PKHD1: variants seen among roughly 807,000 people sequenced by gnomAD.
PKHD1 encodes PKHD1 ciliary IPT domain containing fibrocystin/polyductin.
A neutral mutation model predicts 412.0 loss-of-function variants in PKHD1; 291 were observed. That is an observed-to-expected ratio of 0.71 (90% CI 0.64 to 0.78). The LOEUF (loss-of-function observed/expected upper bound fraction) is 0.78, where lower values mean the gene tolerates loss of function less well. Ranked by LOEUF, PKHD1 falls within the 30% of genes least tolerant of loss-of-function variation. The pLI is 0.00. For synonymous variants in PKHD1, 1,777 were observed against 1,821.5 expected (o/e 0.98, Z 0.62); for missense variants, 4,825 against 4,950.7 (o/e 0.97, Z 0.76).
At chr6:51,852,530 G>C (rs1017375847) in intron 49 of PKHD1, among the ~76,000 whole-genome samples, 2 of 152,134 alleles carry the variant, frequency 1.3e-5, no homozygotes, top group African/African-American at 4.8e-5. Flanking sequence ...TATTGTGTGG[G>C]AGTCTAAGTC....
intron 32 of PKHD1, 82 bp downstream of exon 32, chr6:52,024,492 T>A: frequency 7.5e-7 from 1 of 1,328,632 alleles, no homozygotes; most frequent in Non-Finnish European, 1.1e-6. Context: ...CAGATTGTGT[T>A]AATTTTCTAC....
intron 49 of PKHD1, among the ~76,000 whole-genome samples, chr6:51,848,552 G>A (rs188224320): frequency 6.6e-4 from 101 of 152,280 alleles, no homozygotes; most frequent in Admixed American, 6.3e-3. Flanking sequence ...GCAGAAGAGT[G>A]CAGTGTCAGG....
chr6:51,687,896 G>A (rs960950713), intron 60 of PKHD1, among the ~76,000 whole-genome samples: 6 of 148,274 alleles, frequency 4.0e-5, no homozygotes, highest in African/African-American at 1.2e-4. Context: ...TTCAAACGAT[G>A]TGGATTAATA....
intron 52 of PKHD1, among the ~76,000 whole-genome samples, chr6:51,796,442 C>CA (rs957598547): frequency 8.3e-5 from 8 of 96,452 alleles, no homozygotes; most frequent in Non-Finnish European, 1.1e-4. Flanking sequence ...GTTTTTTTTT[C>CA]AAAAAAATCC....
rs372935902 is a variant in PKHD1 at position 51,666,993 on chromosome 6, C to T, written c.10157-7024G>A. 1.5e-3 allele frequency among the ~76,000 whole-genome samples: 217 copies of T among 149,358 alleles called. 5 individuals carry two copies. The East Asian group carries it at 0.031, about 22-fold the overall frequency. On this transcript the variant is annotated intron_variant, in intron 60 of 66. Coordinates refer to ENST00000371117, the MANE Select transcript of PKHD1 (RefSeq NM_138694.4). Reference sequence around the variant, plus strand: ...AAGTCTTTGCTATTGTGAATAATGCCGCAATAAACATACGTGTGCATGTGT... The same window carrying T: ...AAGTCTTTGCTATTGTGAATAATGCTGCAATAAACATACGTGTGCATGTGT...
chr6:51,808,282 T>C (rs1265425762), intron 52 of PKHD1, among the ~76,000 whole-genome samples: 2 of 152,098 alleles, frequency 1.3e-5, no homozygotes, highest in African/African-American at 4.8e-5. Context: ...ACAGAATATC[T>C]TTCGAAAGAT....
At chr6:51,679,354 T>A (rs1167831291) in intron 60 of PKHD1, among the ~76,000 whole-genome samples, 1 of 152,064 alleles carries the variant, frequency 6.6e-6, no homozygotes, top group South Asian at 2.1e-4. Context: ...GGAAACAGCT[T>A]GTTTTGTTAC....
chr6:51,622,099 T>C (rs1766696685), intron 66 of PKHD1, among the ~76,000 whole-genome samples: 1 of 152,208 alleles, frequency 6.6e-6, no homozygotes, highest in Non-Finnish European at 1.5e-5. Flanking sequence ...GGGGAACCTA[T>C]ATCTCTTCTC....
chr6:51,786,808 A>C (rs1243580667), intron 53 of PKHD1, among the ~76,000 whole-genome samples: 1 of 152,194 alleles, frequency 6.6e-6, no homozygotes, highest in Non-Finnish European at 1.5e-5. Context: ...GGTACTTGGC[A>C]CATGGCAGAC....
At chr6:51,728,197 A>T (rs1782813457) in intron 60 of PKHD1, among the ~76,000 whole-genome samples, 1 of 152,196 alleles carries the variant, frequency 6.6e-6, no homozygotes, top group South Asian at 2.1e-4. Context: ...TTGCTTAAAG[A>T]TGGAACCCAC....
intron 35 of PKHD1, among the ~76,000 whole-genome samples, chr6:51,968,037 T>C (rs1793097387): frequency 6.6e-6 from 1 of 152,166 alleles, no homozygotes; most frequent in South Asian, 2.1e-4. Flanking sequence ...TTTGCTTTTT[T>C]CCTGTCTTTA....
Position 51,753,253 on chromosome 6 carries a change from C to A in PKHD1, c.8898G>T (p.Arg2966Ser), listed in dbSNP as rs781630151. Residue 2966 changes from arginine to serine, a missense_variant, in exon 57 of 67, where the codon AGG (arginine) becomes AGT (serine). Physicochemically the swap from Arg to Ser is moderately radical, Grantham distance 110 (BLOSUM62 -1). Transcript: ENST00000371117. ...TGAAGGACCCCACAAACAGTCTCCC[C>A]CTACATGATACGTCAGGCTGAATTT... ...NIQIQPDVSC[R>S]GRLFVGSFRK... 1 of 1,613,718 alleles carries A rather than the reference C, an allele frequency of 6.2e-7. No homozygotes were observed. Among genetic ancestry groups the A allele is most frequent in the African/African-American group, 1.3e-5 (1 of 74,886 alleles).
intron 33 of PKHD1, among the ~76,000 whole-genome samples, chr6:52,018,175 C>A (rs1319511334): frequency 6.6e-6 from 1 of 152,090 alleles, no homozygotes; most frequent in Non-Finnish European, 1.5e-5. Context: ...GAAACTACCA[C>A]AATAAATTTA....
intron 53 of PKHD1, among the ~76,000 whole-genome samples, chr6:51,789,876 G>A (rs1442175159): frequency 6.6e-6 from 1 of 152,182 alleles, no homozygotes; most frequent in African/African-American, 2.4e-5. Context: ...GGCTCAAGGG[G>A]AAGAGCCTGA....
chr6:51,749,918 C>G (rs1390321478), intron 57 of PKHD1, among the ~76,000 whole-genome samples: 1 of 152,072 alleles, frequency 6.6e-6, no homozygotes, highest in African/African-American at 2.4e-5. Flanking sequence ...TTTTAAGGTA[C>G]TGACTAAAGT....
At chr6:52,055,988 A>C (rs1308910004) in intron 18 of PKHD1, among the ~76,000 whole-genome samples, 1 of 152,170 alleles carries the variant, frequency 6.6e-6, no homozygotes, top group Non-Finnish European at 1.5e-5. Flanking sequence ...GGAGTTTTCA[A>C]CCTCAGCACT....
intron 2 of PKHD1, 61 bp downstream of exon 2, chr6:52,084,821 A>T: frequency 9.8e-7 from 1 of 1,023,216 alleles, no homozygotes; most frequent in African/African-American, 1.6e-5. Flanking sequence ...TTTCAATAAT[A>T]GTTCTCAAGG....
At position 52,024,710 on chromosome 6, in the gene PKHD1, G is replaced by A. The variant is rs143717242; in HGVS notation, c.5100C>T (p.Thr1700=). The change falls in exon 32 of 67, where the codon ACC becomes ACT. Residue 1700 remains threonine, a synonymous_variant. Transcript: ENST00000371117. ...SPCVGVSGNH[T]VLQCVVPSLP... ...GGGAAGGGACCACGCACTGAAGAAC[G>A]GTGTGGTTACCAGAGACACCCACAC... 3.2e-4 allele frequency: 510 copies of A among 1,614,134 alleles called. 1 individual carries two copies. In the African/African-American group the frequency reaches 6.1e-3, roughly 19 times the overall value.
intron 52 of PKHD1, among the ~76,000 whole-genome samples, chr6:51,829,246 C>T (rs1767839426): frequency 6.6e-6 from 1 of 151,958 alleles, no homozygotes; most frequent in African/African-American, 2.4e-5. Context: ...TATGAGCTGA[C>T]CATAGACAAA....
Sources: allele counts gnomAD v4.1 joint callset (sites outside exome capture counted in the v4.1 genomes callset), GRCh38; gene constraint gnomAD v4.1.1; transcripts MANE v1.5; gene names NCBI Gene and HGNC (gene_info 2026-07-23, HGNC 2026-07-21).